The following KLF12 variants were observed in gnomAD, a reference collection of about 807,000 sequenced individuals.
The protein encoded by KLF12 is KLF transcription factor 12, also known as Krueppel-like factor 12.
A neutral mutation model predicts 37.8 loss-of-function variants in KLF12; 9 were observed. That is an observed-to-expected ratio of 0.24 (90% CI 0.14 to 0.42). The LOEUF (loss-of-function observed/expected upper bound fraction) is 0.42, where lower values mean the gene tolerates loss of function less well. Among genes scored for constraint, KLF12 ranks in the 10% least tolerant of loss-of-function variants. KLF12 has a pLI of 1.00. For synonymous variants in KLF12, 208 were observed against 202.1 expected (o/e 1.03, Z -0.25); for missense variants, 411 against 516.0 (o/e 0.80, Z 1.97).
At chr13:74,250,846 A>G in the KLF12 span, among the ~76,000 whole-genome samples, 2 of 152,222 alleles carry the variant, frequency 1.3e-5, no homozygotes, top group Non-Finnish European at 2.9e-5. Context: ...CAGCAAAAAG[A>G]TAGATGTGCC....
the KLF12 span, among the ~76,000 whole-genome samples, chr13:74,228,382 G>C: frequency 6.6e-6 from 1 of 151,932 alleles, no homozygotes; most frequent in Non-Finnish European, 1.5e-5. Flanking sequence ...TAAAATAATA[G>C]GTTCTATATC....
At chr13:73,942,349 G>C (rs1356369780) in intron 3 of KLF12, among the ~76,000 whole-genome samples, 1 of 151,892 alleles carries the variant, frequency 6.6e-6, no homozygotes, top group African/African-American at 2.4e-5. Context: ...TTTTTCCCAT[G>C]AGCAGTGGGA....
chr13:74,151,652 C>CAATAAATAAATAAATA, the KLF12 span, among the ~76,000 whole-genome samples: 197 of 142,492 alleles, frequency 1.4e-3, no homozygotes, highest in African/African-American at 4.6e-3. Context: ...GACCCCATCT[C>CAATAAATAAATAAATA]AATAAATAAA....
At position 73,695,501 on chromosome 13, in the gene KLF12, T is replaced by A; in HGVS notation, c.1198A>T (p.Met400Leu). ...ACAGGTAGCATTCCTCACACCAACA[T>A]ATGCCTCCGGCGGTGCAGGGCCAAA... The change falls in exon 8 of 8, where the codon ATG becomes TTG. Residue 400 changes from methionine (M) to leucine (L), a missense_variant. Coordinates refer to ENST00000377669, the MANE Select transcript of KLF12 (RefSeq NM_007249.5). 10 of 1,613,784 alleles carry A rather than the reference T, an allele frequency of 6.2e-6. No homozygotes were observed. Among genetic ancestry groups the A allele is most frequent in the Non-Finnish European group, 8.5e-6 (10 of 1,179,920 alleles).
At chr13:73,697,126 T>C (rs1874208957) in intron 7 of KLF12, among the ~76,000 whole-genome samples, 1 of 144,370 alleles carries the variant, frequency 6.9e-6, no homozygotes, top group Non-Finnish European at 1.5e-5. Flanking sequence ...TACACACACA[T>C]AGGAACATAT....
In KLF12 at chr13:73,805,668, GGAAGGA is replaced by G. The variant is rs1882559579; in HGVS notation, c.806+7478_806+7483del. Among the ~76,000 whole-genome samples, 9 of 104,162 alleles carry G rather than the reference GGAAGGA, an allele frequency of 8.6e-5. 1 individual carries two copies. The highest frequency in any genetic ancestry group is 2.9e-4 in the East Asian group (1 of 3,486). The allele number at this position is 104,162 out of a possible 152,430, so 68.3% of individuals were successfully genotyped here. A position where few individuals can be genotyped will look rare whatever the true frequency, so the allele number is the denominator to read the frequency against. ...AGGGAGGGAGGAAGGAAGGAAGGAA[GGAAGGA>G]AGGAAGGAAGGAAGGAAGGAAGGAA... is the stretch of plus-strand genomic sequence containing the variant. On this transcript the variant is annotated intron_variant, in intron 5 of 7. Coordinates refer to ENST00000377669, the MANE Select transcript of KLF12 (RefSeq NM_007249.5).
chr13:73,917,014 G>A (rs143884864), intron 3 of KLF12, among the ~76,000 whole-genome samples: 20 of 152,262 alleles, frequency 1.3e-4, no homozygotes, highest in African/African-American at 4.8e-4. Flanking sequence ...GGCCACTCTT[G>A]TGCTCAACTA....
chr13:74,219,660 T>C, the KLF12 span, among the ~76,000 whole-genome samples: 1 of 152,228 alleles, frequency 6.6e-6, no homozygotes, highest in African/African-American at 2.4e-5. Context: ...GTGGGTCTTA[T>C]TACTTTCTTT....
rs143750755 is a variant in KLF12 at position 74,120,174 on chromosome 13, T to C, written c.-32+13565A>G. ...GCTGAGAAATGTCATTCCCAGCAGA[T>C]TGCACTGCAAGAAATTATTTAAGTA... On this transcript the variant is annotated intron_variant, in intron 1 of 7. Coordinates refer to ENST00000377669, the MANE Select transcript of KLF12 (RefSeq NM_007249.5). Among the ~76,000 whole-genome samples the C allele has an allele frequency of 3.2e-3, 485 of 152,282 alleles. 1 individual carries two copies. The highest frequency in any genetic ancestry group is 0.014 in the Middle Eastern group (4 of 294).
At chr13:74,011,439 A>G (rs1400607729) in intron 1 of KLF12, among the ~76,000 whole-genome samples, 2 of 152,314 alleles carry the variant, frequency 1.3e-5, no homozygotes, top group Admixed American at 1.3e-4. Flanking sequence ...TAACTTTAAA[A>G]AGTTCACTAA....
chr13:74,207,081 C>T, the KLF12 span, among the ~76,000 whole-genome samples: 1 of 152,158 alleles, frequency 6.6e-6, no homozygotes, highest in Non-Finnish European at 1.5e-5. Flanking sequence ...TATGTCATCT[C>T]ATAGTGGAAA....
chr13:73,974,819 T>C (rs982243632), intron 2 of KLF12, among the ~76,000 whole-genome samples: 1 of 152,216 alleles, frequency 6.6e-6, no homozygotes, highest in African/African-American at 2.4e-5. Flanking sequence ...TGAAAAGTGA[T>C]GATAAAGAAC....
At chr13:74,238,563 C>G in the KLF12 span, among the ~76,000 whole-genome samples, 1 of 135,374 alleles carries the variant, frequency 7.4e-6, no homozygotes, top group Non-Finnish European at 1.5e-5. Context: ...GTGAATCCAT[C>G]TGGTCCTGGA....
At chr13:74,252,088 C>T in the KLF12 span, among the ~76,000 whole-genome samples, 3 of 152,304 alleles carry the variant, frequency 2.0e-5, no homozygotes, top group South Asian at 4.2e-4. Context: ...CCCCAAGGAC[C>T]GTGCAAGCCT....
chr13:73,784,459 A>G (rs577655667), intron 5 of KLF12, among the ~76,000 whole-genome samples: 10 of 151,464 alleles, frequency 6.6e-5, no homozygotes, highest in Admixed American at 5.3e-4. Flanking sequence ...TTCTACTTCC[A>G]TAACTCTAAT....
At chr13:73,981,270 T>C (rs528533961) in intron 2 of KLF12, among the ~76,000 whole-genome samples, 1 of 152,350 alleles carries the variant, frequency 6.6e-6, no homozygotes, top group Admixed American at 6.5e-5. Context: ...CTTCTGGGTA[T>C]ATATTCCAGA....
At chr13:74,212,707 A>G in the KLF12 span, among the ~76,000 whole-genome samples, 42 of 152,268 alleles carry the variant, frequency 2.8e-4, 1 homozygote, top group Middle Eastern at 0.014. Context: ...TTTCAGGAAA[A>G]CTGAAATAGA....
At chr13:74,135,412 C>A (rs1593930058), upstream of KLF12, among the ~76,000 whole-genome samples, 1 of 151,920 alleles carries the variant, frequency 6.6e-6, no homozygotes, top group South Asian at 2.1e-4. Context: ...CCTTGACGCT[C>A]TCCCCGGCAG....
rs148626014 is a variant in KLF12 at position 73,976,113 on chromosome 13, TA to T, written c.33+18876del. On this transcript the variant is annotated intron_variant, in intron 2 of 7. Transcript: ENST00000377669. ...GTCATTAAAAAAAATGTTGAGGAAT[TA>T]ATGAATGGGCCATGACAGAAAGTGT... is the stretch of plus-strand genomic sequence containing the variant. 9.9e-3 allele frequency among the ~76,000 whole-genome samples: 1,495 copies of T among 151,744 alleles called. 21 individuals are homozygous for T. The highest frequency in any genetic ancestry group is 0.035 in the African/African-American group (1,441 of 41,420).
Sources: gnomAD v4.1 joint callset for allele counts (sites outside exome capture counted in the v4.1 genomes callset) on GRCh38, gnomAD v4.1.1 for gene constraint, MANE v1.5 for transcripts, NCBI Gene and HGNC (gene_info 2026-07-23, HGNC 2026-07-21) for gene names.